The following FAM53A variants were observed in gnomAD, a reference collection of about 807,000 sequenced individuals.
FAM53A encodes family with sequence similarity 53 member A, also known as protein FAM53A.
Under a neutral mutation model 26.6 loss-of-function variants are expected in FAM53A, and 28 were observed. The ratio of observed to expected loss-of-function variants is 1.05; its 90% CI spans 0.78 to 1.45. FAM53A has a LOEUF of 1.45. FAM53A is among the 40% of genes most tolerant of loss of function. The probability of loss-of-function intolerance (pLI) is 0.00; values close to 1 mark genes in which losing one functional copy is unlikely to be tolerated. For synonymous variants in FAM53A, 290 were observed against 253.1 expected (o/e 1.15, Z -1.38); for missense variants, 650 against 575.8 (o/e 1.13, Z -1.32).
rs568040362 is a variant in FAM53A, at chr4:1,650,297, G to A, written c.882+4681C>T. 8.5e-4 allele frequency among the ~76,000 whole-genome samples: 121 copies of A among 142,132 alleles called. 1 individual carries two copies. Among genetic ancestry groups the A allele is most frequent in the Non-Finnish European group, 1.4e-3 (95 of 65,534 alleles). 93.2% of individuals were successfully genotyped at this position (142,132 alleles called of 152,430 possible). A position where few individuals can be genotyped will look rare whatever the true frequency, so the allele number is the denominator to read the frequency against. On this transcript the variant is annotated intron_variant, in intron 4 of 4. Coordinates refer to ENST00000308132, the MANE Select transcript of FAM53A (RefSeq NM_001174070.3). ...TTTGACTGTGAGGTGGCACAGGCGT[G>A]GTGTTTGTGAGGTGGCACAGGCATA...
chr4:1,674,596 G>A (rs1714904301), intron 1 of FAM53A, among the ~76,000 whole-genome samples: 1 of 151,916 alleles, frequency 6.6e-6, no homozygotes. Flanking sequence ...TTGAACCCAG[G>A]AGGCGGAGGT....
chr4:1,643,432 C>G (rs981589994), intron 4 of FAM53A, among the ~76,000 whole-genome samples: 1 of 151,872 alleles, frequency 6.6e-6, no homozygotes, highest in Non-Finnish European at 1.5e-5. Context: ...GGCCACTGCA[C>G]TCCAGCCTGG....
chr4:1,576,544 T>C, the FAM53A span, among the ~76,000 whole-genome samples: 2 of 152,220 alleles, frequency 1.3e-5, no homozygotes, highest in African/African-American at 2.4e-5. Context: ...AGGGGCTCAA[T>C]TGGGACTCCA....
intron 1 of FAM53A, among the ~76,000 whole-genome samples, chr4:1,619,774 T>C (rs768992840): frequency 6.6e-6 from 1 of 152,294 alleles, no homozygotes; most frequent in Non-Finnish European, 1.5e-5. Context: ...GTTCACGGCG[T>C]CCACACGCAA....
upstream of FAM53A, among the ~76,000 whole-genome samples, chr4:1,685,972 A>G (rs1333200126): frequency 1.3e-5 from 2 of 152,104 alleles, no homozygotes; most frequent in Admixed American, 6.6e-5. Flanking sequence ...TGATTAACTT[A>G]TATCTACCCA....
At chr4:1,657,207 T>C (rs561359054) in intron 3 of FAM53A, among the ~76,000 whole-genome samples, 2 of 152,350 alleles carry the variant, frequency 1.3e-5, no homozygotes, top group South Asian at 4.1e-4. Context: ...CGAGCCGTCC[T>C]GCTCACAGAC....
intron 2 of FAM53A, among the ~76,000 whole-genome samples, chr4:1,662,514 G>C (rs1238971731): frequency 6.9e-6 from 1 of 145,660 alleles, no homozygotes; most frequent in Non-Finnish European, 1.5e-5. Context: ...GCTGGGTGTG[G>C]TCACACATGT....
chr4:1,659,411 A>G lies in FAM53A; in HGVS notation c.76-1943T>C, dbSNP rs1713662158. On this transcript the variant is annotated intron_variant, in intron 2 of 4. Transcript: ENST00000308132. This position sits in a 1 kb window ranked among gnomAD's most constrained non-coding sequence, Gnocchi z 5.2. The stretch of plus-strand genomic sequence containing the variant: ...ACCCGTTCCCCGGGGCCACATGAAC[A>G]GCACCCAGCTCGACGCTGCCACGGA... Among the ~76,000 whole-genome samples the G allele has an allele frequency of 6.6e-6, 1 of 152,250 alleles. No homozygotes were observed. Among genetic ancestry groups the G allele is most frequent in the African/African-American group, 2.4e-5 (1 of 41,468 alleles).
downstream of FAM53A, among the ~76,000 whole-genome samples, chr4:1,613,642 G>C (rs1180106601): frequency 6.6e-6 from 1 of 152,190 alleles, no homozygotes. Flanking sequence ...TGCATTCATG[G>C]AAATGAATCC....
At chr4:1,668,975 T>C (rs186912249) in intron 1 of FAM53A, 70 bp from the exon 2 acceptor site, 120 of 519,778 alleles carry the variant, frequency 2.3e-4, no homozygotes, top group African/African-American at 2.2e-3. Context: ...TTCTGCTACA[T>C]GTTGGGTCCC....
chr4:1,660,338 G>A (rs1001160783), intron 2 of FAM53A, among the ~76,000 whole-genome samples: 6 of 129,912 alleles, frequency 4.6e-5, no homozygotes, highest in Admixed American at 1.5e-4. Context: ...AGGGAAATCC[G>A]GGAAATCCCA....
intron 1 of FAM53A, among the ~76,000 whole-genome samples, chr4:1,681,962 C>CG (rs1279365998): frequency 1.3e-5 from 2 of 152,182 alleles, no homozygotes; most frequent in African/African-American, 4.8e-5. Context: ...CACAAAGCCC[C>CG]GGGTTCAGAC....
At chr4:1,602,527 G>A in the FAM53A span, among the ~76,000 whole-genome samples, 1 of 152,242 alleles carries the variant, frequency 6.6e-6, no homozygotes, top group South Asian at 2.1e-4. Flanking sequence ...TCTGAGGTGG[G>A]TATCGGCAGC....
In FAM53A at chr4:1,640,514, T is replaced by C. The variant is rs952646467; in HGVS notation, c.*779A>G. The stretch of plus-strand genomic sequence containing the variant: ...ACGCCCTTCTGAAATGCATCCAAAA[T>C]AGAGAAGCTTTCTCCCGAACTGCAA... On this transcript the variant is annotated 3_prime_UTR_variant, in exon 5 of 5. Coordinates refer to ENST00000308132, the MANE Select transcript of FAM53A (RefSeq NM_001174070.3). The C allele has an allele frequency of 3.3e-5, 10 of 305,740 alleles. No homozygotes were observed. The highest frequency in any genetic ancestry group is 2.1e-4 in the African/African-American group (9 of 42,972). The allele number at this position is 305,740 out of a possible 1,614,324, so 18.9% of individuals were successfully genotyped here. A position where few individuals can be genotyped will look rare whatever the true frequency, so the allele number is the denominator to read the frequency against.
chr4:1,661,512 G>A (rs1011075693), intron 2 of FAM53A, among the ~76,000 whole-genome samples: 3 of 152,096 alleles, frequency 2.0e-5, no homozygotes, highest in African/African-American at 7.2e-5. Flanking sequence ...GTGACCTTCA[G>A]GCCCTACCGC....
At chr4:1,662,201 G>A (rs1306346718) in intron 2 of FAM53A, among the ~76,000 whole-genome samples, 1 of 151,708 alleles carries the variant, frequency 6.6e-6, no homozygotes, top group Non-Finnish European at 1.5e-5. Flanking sequence ...TGGGTGTGGG[G>A]TGGGCGTGGT....
chr4:1,643,260 A>G (rs563462962), intron 4 of FAM53A, among the ~76,000 whole-genome samples: 1 of 152,178 alleles, frequency 6.6e-6, no homozygotes, highest in East Asian at 1.9e-4. Context: ...AGGTCAGGAG[A>G]TCAAGACCAT....
intron 1 of FAM53A, among the ~76,000 whole-genome samples, chr4:1,677,123 C>T (rs1301108723): frequency 6.6e-6 from 1 of 152,210 alleles, no homozygotes; most frequent in African/African-American, 2.4e-5. Flanking sequence ...AGAAGGGGGG[C>T]ACGTGAAGAC....
At chr4:1,600,791 C>T in the FAM53A span, among the ~76,000 whole-genome samples, 2 of 152,196 alleles carry the variant, frequency 1.3e-5, no homozygotes, top group Non-Finnish European at 2.9e-5. Context: ...CCGGCTCAGG[C>T]AATCCCCCTG....
Sources: gnomAD v4.1 joint callset for allele counts (sites outside exome capture counted in the v4.1 genomes callset) on GRCh38, gnomAD v4.1.1 for gene constraint, Gnocchi (gnomAD v3.1) non-coding constraint, MANE v1.5 for transcripts, NCBI Gene and HGNC (gene_info 2026-07-23, HGNC 2026-07-21) for gene names.